Variants in PRKN observed in about 807,000 individuals in gnomAD.
PRKN encodes parkin RBR E3 ubiquitin protein ligase.
PRKN carries 56 observed loss-of-function variants against 59.5 expected under a neutral mutation model. That is an observed-to-expected ratio of 0.94 (90% CI 0.76 to 1.18). PRKN has a LOEUF of 1.18. PRKN is among the 50% of genes most tolerant of loss of function. The pLI is 0.00. For synonymous variants in PRKN, 250 were observed against 222.1 expected (o/e 1.13, Z -1.12); for missense variants, 657 against 596.4 (o/e 1.10, Z -1.06).
At chr6:162,387,555 CAGAGAG>C (rs60548327) in intron 2 of PRKN, among the ~76,000 whole-genome samples, 21,638 of 94,986 alleles carry the variant, frequency 0.23, 2,377 homozygotes, top group Non-Finnish European at 0.26. Context: ...CACACACACA[CAGAGAG>C]AGAGAGAGAG....
At position 161,712,785 on chromosome 6, in the gene PRKN, G is replaced by GAAAGCA. The variant is rs1554296339; in HGVS notation, c.871+72986_871+72987insTGCTTT. ...TCCACCATATCTGTTCTGGAATAAG[G>GAAAGCA]AAAACAAAAACAAAAACAAAAACAA... On this transcript the variant is annotated intron_variant, in intron 7 of 11. Transcript: ENST00000366898. Among the ~76,000 whole-genome samples the GAAAGCA allele has an allele frequency of 7.0e-3, 1,063 of 151,904 alleles. 10 individuals carry two copies. The highest frequency in any genetic ancestry group is 0.025 in the African/African-American group (1,025 of 41,342).
chr6:162,035,733 C>A (rs1034292601), intron 5 of PRKN, among the ~76,000 whole-genome samples: 4 of 152,044 alleles, frequency 2.6e-5, no homozygotes, highest in Non-Finnish European at 5.9e-5. Context: ...TGGAATAGAA[C>A]AGACTCGAGA....
At chr6:161,976,115 G>A (rs1781022428) in intron 5 of PRKN, among the ~76,000 whole-genome samples, 2 of 152,168 alleles carry the variant, frequency 1.3e-5, no homozygotes, top group East Asian at 1.9e-4. Context: ...GTGTTGGCCA[G>A]GCTAGTCTTG....
In PRKN at chr6:162,539,303, A is replaced by G. The variant is rs1486375020; in HGVS notation, c.8-95830T>C. Reference sequence around the variant, plus strand: ...ATTGGGATGCTATAATTTTCATCTCATCAAGAAAATTAGACACATGGGTAA... The same window carrying G: ...ATTGGGATGCTATAATTTTCATCTCGTCAAGAAAATTAGACACATGGGTAA... On this transcript the variant is annotated intron_variant, in intron 1 of 11. Transcript: ENST00000366898. Among the ~76,000 whole-genome samples the G allele has an allele frequency of 3.3e-5, 5 of 152,326 alleles. No individual in the cohort carries two copies. The East Asian group carries it at 9.6e-4, about 29-fold the overall frequency.
rs1233500566 is a variant in PRKN, at chr6:161,480,221, C to G, written c.1083+68633G>C. On this transcript the variant is annotated intron_variant, in intron 9 of 11. Transcript: ENST00000366898. This position sits in a 1 kb window ranked among gnomAD's most constrained non-coding sequence, Gnocchi z 4.1. Reference sequence around the variant, plus strand: ...ATAATTTGTGAAGCCCAGTGCAAAACAAAGACACAGAGCCCCTTCTTCAAA... The same window carrying G: ...ATAATTTGTGAAGCCCAGTGCAAAAGAAAGACACAGAGCCCCTTCTTCAAA... 6.6e-6 allele frequency among the ~76,000 whole-genome samples: 1 copy of G among 152,188 alleles called. No individual in the cohort carries two copies. Among genetic ancestry groups the G allele is most frequent in the African/African-American group, 2.4e-5 (1 of 41,436 alleles).
At chr6:162,636,609 C>A (rs535300487) in intron 1 of PRKN, among the ~76,000 whole-genome samples, 6 of 152,258 alleles carry the variant, frequency 3.9e-5, no homozygotes, top group South Asian at 4.1e-4. Flanking sequence ...ACATTAACAA[C>A]CAAGAGACAG....
chr6:161,432,532 A>ATTTTTTTTTTT (rs767620173), intron 9 of PRKN, among the ~76,000 whole-genome samples: 5 of 125,492 alleles, frequency 4.0e-5, no homozygotes, highest in African/African-American at 6.0e-5. Flanking sequence ...TGCCCAGCTA[A>ATTTTTTTTTTT]TTTTTTTTTT....
intron 7 of PRKN, chr6:161,715,983 T>G: frequency 1.7e-6 from 1 of 587,690 alleles, no homozygotes; most frequent in Non-Finnish European, 2.9e-6. Flanking sequence ...AGCGCTGGGG[T>G]GGGGCCCTGT....
In PRKN at chr6:161,357,840, G is replaced by A. The variant is rs941071751; in HGVS notation, c.1285+2248C>T. On this transcript the variant is annotated intron_variant, in intron 11 of 11. Transcript: ENST00000366898. The surrounding 1 kb of genome is among the most constrained non-coding windows in gnomAD (Gnocchi z 5.5). Reference sequence around the variant, plus strand: ...CACGAATCAGAGCACGTCTCACGGAGCGTGTTTGATGCACCGTCTCTGTTA... The same window carrying A: ...CACGAATCAGAGCACGTCTCACGGAACGTGTTTGATGCACCGTCTCTGTTA... Among the ~76,000 whole-genome samples, 2 of 152,306 alleles carry A rather than the reference G, an allele frequency of 1.3e-5. No individual in the cohort carries two copies. Among genetic ancestry groups the A allele is most frequent in the Non-Finnish European group, 2.9e-5 (2 of 68,026 alleles).
chr6:161,389,705 G>A (rs575919814), intron 9 of PRKN, among the ~76,000 whole-genome samples: 1 of 152,308 alleles, frequency 6.6e-6, no homozygotes, highest in African/African-American at 2.4e-5. Context: ...GCCCAATCAT[G>A]GAGAACTGGC....
chr6:161,690,122 AG>A (rs1374610874), intron 7 of PRKN, among the ~76,000 whole-genome samples: 1 of 152,216 alleles, frequency 6.6e-6, no homozygotes, highest in African/African-American at 2.4e-5. Flanking sequence ...TTACACTGTA[AG>A]GTGGATCCTA....
rs1554251152 is a variant in PRKN, at chr6:161,352,771, A to ATTTT, written c.1286-2564_1286-2561dup. ...TGTGTGTGTGTATATATATATATAT[A>ATTTT]TTTTATTTTATTTTATTTTATTTTT... is the stretch of plus-strand genomic sequence containing the variant. On this transcript the variant is annotated intron_variant, in intron 11 of 11. Coordinates refer to ENST00000366898, the MANE Select transcript of PRKN (RefSeq NM_004562.3). This position sits in a 1 kb window ranked among gnomAD's most constrained non-coding sequence, Gnocchi z 5.8. 7.7e-5 allele frequency among the ~76,000 whole-genome samples: 9 copies of ATTTT among 116,892 alleles called. No individual in the cohort carries two copies. Among genetic ancestry groups the ATTTT allele is most frequent in the African/African-American group, 2.6e-4 (9 of 34,476 alleles). The allele number at this position is 116,892 out of a possible 152,430, so 76.7% of individuals were successfully genotyped here.
chr6:162,209,016 G>A (rs1036808670), intron 3 of PRKN, among the ~76,000 whole-genome samples: 1 of 152,068 alleles, frequency 6.6e-6, no homozygotes, highest in Non-Finnish European at 1.5e-5. Context: ...CCTAGGCAAT[G>A]CCATTCAGGA....
At chr6:161,384,291 C>T (rs945475025) in intron 10 of PRKN, among the ~76,000 whole-genome samples, 1 of 152,120 alleles carries the variant, frequency 6.6e-6, no homozygotes. Flanking sequence ...CAGTGGCTCA[C>T]GCCTGTCATC....
At chr6:162,344,296 G>C (rs1447719558) in intron 2 of PRKN, among the ~76,000 whole-genome samples, 1 of 151,654 alleles carries the variant, frequency 6.6e-6, no homozygotes, top group East Asian at 1.9e-4. Context: ...ATCGTCTACA[G>C]AGACTCTGCA....
At chr6:161,808,923 C>T (rs557963267) in intron 6 of PRKN, among the ~76,000 whole-genome samples, 1 of 152,228 alleles carries the variant, frequency 6.6e-6, no homozygotes, top group African/African-American at 2.4e-5. Context: ...TCGCTGTAGC[C>T]TCAAACTCCT....
chr6:162,357,717 T>C (rs887373660), intron 2 of PRKN, among the ~76,000 whole-genome samples: 4 of 152,176 alleles, frequency 2.6e-5, no homozygotes, highest in Non-Finnish European at 4.4e-5. Flanking sequence ...ATCCTTACAA[T>C]AGAATATTAT....
At chr6:161,630,388 C>G (rs1162589774) in intron 7 of PRKN, among the ~76,000 whole-genome samples, 1 of 152,178 alleles carries the variant, frequency 6.6e-6, no homozygotes, top group Non-Finnish European at 1.5e-5. Context: ...GGGTGACACA[C>G]ACGGTATGTC....
intron 9 of PRKN, among the ~76,000 whole-genome samples, chr6:161,403,045 C>T (rs938129694): frequency 1.3e-5 from 2 of 152,144 alleles, no homozygotes; most frequent in African/African-American, 4.8e-5. Flanking sequence ...GGAGTCAGCA[C>T]ACCAAAGCAT....
Sources: allele counts gnomAD v4.1 joint callset (sites outside exome capture counted in the v4.1 genomes callset), GRCh38; gene constraint gnomAD v4.1.1; non-coding constraint Gnocchi (gnomAD v3.1); transcripts MANE v1.5; gene names NCBI Gene and HGNC (gene_info 2026-07-23, HGNC 2026-07-21).